The following LRRC7 variants were observed in gnomAD, a reference collection of about 807,000 sequenced individuals.
The protein encoded by LRRC7 is leucine-rich repeat-containing protein 7.
Under a neutral mutation model 175.7 loss-of-function variants are expected in LRRC7, and 23 were observed. The observed-to-expected ratio is 0.13, with a 90% CI of 0.09 to 0.19. The LOEUF (loss-of-function observed/expected upper bound fraction) is 0.19. Ranked by LOEUF, LRRC7 falls within the 10% of genes least tolerant of loss-of-function variation. The pLI is 1.00. For missense variants in LRRC7, 1,354 were observed against 1,904.7 expected (o/e 0.71, Z 5.38); for synonymous variants, 685 against 680.9 (o/e 1.01, Z -0.09).
At chr1:69,792,888 A>G (rs1675285295) in intron 4 of LRRC7, among the ~76,000 whole-genome samples, 1 of 152,050 alleles carries the variant, frequency 6.6e-6, no homozygotes, top group Admixed American at 6.6e-5. Context: ...AGTCTCTTGC[A>G]TCCTTGTTCA....
intron 7 of LRRC7, among the ~76,000 whole-genome samples, chr1:69,892,169 A>G (rs1390341492): frequency 6.6e-6 from 1 of 152,216 alleles, no homozygotes; most frequent in Non-Finnish European, 1.5e-5. Context: ...TTATATTTCA[A>G]CTATTGGAAA....
chr1:69,994,136 T>C (rs1289880777), intron 10 of LRRC7, among the ~76,000 whole-genome samples: 1 of 152,174 alleles, frequency 6.6e-6, no homozygotes, highest in African/African-American at 2.4e-5. Context: ...TCGTTGATCA[T>C]TGGACTTAAT....
intron 2 of LRRC7, among the ~76,000 whole-genome samples, chr1:69,706,965 T>C (rs1460614301): frequency 6.6e-6 from 1 of 152,040 alleles, no homozygotes; most frequent in East Asian, 1.9e-4. Flanking sequence ...TAATGACAAA[T>C]ACAGAAAATA....
At chr1:69,982,571 G>A (rs969106325) in intron 9 of LRRC7, among the ~76,000 whole-genome samples, 2 of 152,138 alleles carry the variant, frequency 1.3e-5, no homozygotes, top group Non-Finnish European at 2.9e-5. Context: ...CTTTTGAATA[G>A]TCTGGGCTAT....
chr1:69,798,246 T>C (rs976777337), intron 4 of LRRC7, among the ~76,000 whole-genome samples: 2 of 152,084 alleles, frequency 1.3e-5, no homozygotes, highest in Admixed American at 1.3e-4. Context: ...CTTTATGGCC[T>C]AGATACTGAA....
At chr1:69,945,894 CT>C (rs1649257685) in intron 8 of LRRC7, among the ~76,000 whole-genome samples, 1 of 152,084 alleles carries the variant, frequency 6.6e-6, no homozygotes, top group South Asian at 2.1e-4. Context: ...ACCTTTGGGG[CT>C]TTCCATATAC....
At chr1:69,958,540 T>C (rs1408992643) in intron 8 of LRRC7, among the ~76,000 whole-genome samples, 1 of 151,964 alleles carries the variant, frequency 6.6e-6, no homozygotes, top group East Asian at 1.9e-4. Context: ...AACCAAGGCA[T>C]GTTTGTGTGC....
intron 7 of LRRC7, among the ~76,000 whole-genome samples, chr1:69,893,966 G>A (rs17131082): frequency 0.012 from 1,898 of 152,122 alleles, 32 homozygotes; most frequent in African/African-American, 0.043. Context: ...GGGAGGCATC[G>A]GCTACTGAAT....
intron 8 of LRRC7, among the ~76,000 whole-genome samples, chr1:69,946,442 T>C (rs555207452): frequency 6.6e-6 from 1 of 152,220 alleles, no homozygotes; most frequent in South Asian, 2.1e-4. Flanking sequence ...AGTCCTGTTT[T>C]TTGGGTATTT....
chr1:69,976,691 C>T (rs1652855566), intron 8 of LRRC7, among the ~76,000 whole-genome samples: 1 of 152,150 alleles, frequency 6.6e-6, no homozygotes, highest in Non-Finnish European at 1.5e-5. Context: ...TAACACAACT[C>T]TATTCATTGG....
chr1:69,846,265 T>G (rs754111077), intron 7 of LRRC7, among the ~76,000 whole-genome samples: 6 of 152,152 alleles, frequency 3.9e-5, no homozygotes, highest in Admixed American at 6.6e-5. Flanking sequence ...TATTTATTTT[T>G]AAACTTATAC....
At chr1:69,993,546 A>G (rs1261724159) in intron 10 of LRRC7, among the ~76,000 whole-genome samples, 1 of 151,992 alleles carries the variant, frequency 6.6e-6, no homozygotes, top group African/African-American at 2.4e-5. Flanking sequence ...CACACACACA[A>G]AGACACACAC....
chr1:69,988,380 G>A (rs1267526612), intron 10 of LRRC7, among the ~76,000 whole-genome samples: 2 of 151,912 alleles, frequency 1.3e-5, no homozygotes, highest in African/African-American at 4.8e-5. Flanking sequence ...GTCCACCCTA[G>A]GCAACATAGC....
intron 3 of LRRC7, among the ~76,000 whole-genome samples, chr1:69,788,920 G>T (rs750972179): frequency 1.3e-5 from 2 of 152,130 alleles, no homozygotes; most frequent in Non-Finnish European, 2.9e-5. Flanking sequence ...AAAGTATAAA[G>T]AATCTGGGCT....
At chr1:69,912,073 T>C (rs1273201755) in intron 7 of LRRC7, among the ~76,000 whole-genome samples, 1 of 152,200 alleles carries the variant, frequency 6.6e-6, no homozygotes, top group Non-Finnish European at 1.5e-5. Context: ...GTGCAACTAC[T>C]ATGCCATTTT....
intron 1 of LRRC7, 75 bp downstream of exon 1, chr1:69,568,716 T>C (rs896391768): frequency 2.5e-5 from 29 of 1,142,188 alleles, no homozygotes; most frequent in Non-Finnish European, 3.3e-5. Context: ...GCGCGCGAGG[T>C]GTGGGACCCC....
In LRRC7 at chr1:70,132,784, A is replaced by G. The variant is rs1378985152; in HGVS notation, c.*10897A>G. Among the ~76,000 whole-genome samples the G allele has an allele frequency of 6.6e-6, 1 of 151,908 alleles. No individual in the cohort carries two copies. The highest frequency in any genetic ancestry group is 2.1e-4 in the South Asian group (1 of 4,822). On this transcript the variant is annotated 3_prime_UTR_variant, in exon 27 of 27. Transcript: ENST00000651989. ...CCGCGCCCGGCCGTACTTTTCTTAAATAAAGACTAATGTCAGACAGTGTGG... is the reference window on the plus strand; with the variant it reads ...CCGCGCCCGGCCGTACTTTTCTTAAGTAAAGACTAATGTCAGACAGTGTGG...
In LRRC7 at chr1:69,910,792, C is replaced by A. The variant is rs578099150; in HGVS notation, c.648-20715C>A. Among the ~76,000 whole-genome samples, 479 of 152,300 alleles carry A rather than the reference C, an allele frequency of 3.1e-3. 2 individuals are homozygous for A. The highest frequency in any genetic ancestry group is 0.011 in the African/African-American group (448 of 41,568). On this transcript the variant is annotated intron_variant, in intron 7 of 26. Coordinates refer to ENST00000651989, the MANE Select transcript of LRRC7 (RefSeq NM_001370785.2). ...GTCTTTTTGTTTGTCTGTGCCCTGC[C>A]CCCAGAGGTGGAGCCTACAGAGGCA...
rs765895423 is a variant in LRRC7 at position 70,012,962 on chromosome 1, T to G, written c.1135-12T>G. The G allele has an allele frequency of 6.9e-7, 1 of 1,443,000 alleles. No homozygotes were observed. Among genetic ancestry groups the G allele is most frequent in the Non-Finnish European group, 9.4e-7 (1 of 1,061,400 alleles). The allele number at this position is 1,443,000 out of a possible 1,614,324, so 89.4% of individuals were successfully genotyped here. A position where few individuals can be genotyped will look rare whatever the true frequency, so the allele number is the denominator to read the frequency against. On this transcript the variant is annotated splice_polypyrimidine_tract_variant and intron_variant, in intron 12 of 26. Transcript: ENST00000651989. ...TCTGATTTTTTTACCTATTTTCTTT[T>G]GTTACCTACAGATTGGAAGTTGTAA...
Sources: gnomAD v4.1 joint callset for allele counts (sites outside exome capture counted in the v4.1 genomes callset) on GRCh38, gnomAD v4.1.1 for gene constraint, MANE v1.5 for transcripts, NCBI Gene and HGNC (gene_info 2026-07-23, HGNC 2026-07-21) for gene names.